Variants in SEMA3C observed in about 807,000 individuals in gnomAD.
The protein encoded by SEMA3C is semaphorin 3C, also known as semaphorin-3C.
SEMA3C carries 47 observed loss-of-function variants against 89.4 expected under a neutral mutation model. The observed-to-expected ratio is 0.53, with a 90% CI of 0.42 to 0.67. SEMA3C has a LOEUF of 0.67. Among genes scored for constraint, SEMA3C ranks in the 30% least tolerant of loss-of-function variants. The pLI is 0.00. For synonymous variants in SEMA3C, 310 were observed against 320.2 expected (o/e 0.97, Z 0.34); for missense variants, 839 against 929.1 (o/e 0.90, Z 1.26).
At chr7:80,834,326 C>T (rs571143962) in intron 2 of SEMA3C, among the ~76,000 whole-genome samples, 2 of 152,156 alleles carry the variant, frequency 1.3e-5, no homozygotes, top group Non-Finnish European at 2.9e-5. Context: ...AATATGCTTA[C>T]CTAAAATTCA....
chr7:80,816,483 C>T (rs1789610540), intron 5 of SEMA3C, among the ~76,000 whole-genome samples: 1 of 152,062 alleles, frequency 6.6e-6, no homozygotes, highest in Admixed American at 6.6e-5. Context: ...TTCTGCATCA[C>T]GTGGTCATTT....
At chr7:80,765,761 A>G (rs556597509) in intron 12 of SEMA3C, among the ~76,000 whole-genome samples, 27 of 152,090 alleles carry the variant, frequency 1.8e-4, no homozygotes, top group Non-Finnish European at 3.5e-4. Flanking sequence ...TATTTTTAGT[A>G]GAGACGGGGG....
intron 12 of SEMA3C, among the ~76,000 whole-genome samples, chr7:80,786,605 A>G (rs1788809166): frequency 6.6e-6 from 1 of 152,150 alleles, no homozygotes; most frequent in Admixed American, 6.5e-5. Flanking sequence ...AGCTAAGGCT[A>G]AAAGCAAATC....
intron 4 of SEMA3C, among the ~76,000 whole-genome samples, chr7:80,820,049 T>C (rs1189817377): frequency 6.8e-6 from 1 of 147,278 alleles, no homozygotes; most frequent in African/African-American, 2.5e-5. Context: ...GTACCATGTA[T>C]GCTCCTTTTT....
chr7:80,874,908 C>G (rs1302018609), intron 2 of SEMA3C, among the ~76,000 whole-genome samples: 1 of 151,922 alleles, frequency 6.6e-6, no homozygotes, highest in Non-Finnish European at 1.5e-5. Context: ...AGATGAAACC[C>G]CAACTCTAGT....
At chr7:80,882,977 G>C (rs1791383394) in intron 2 of SEMA3C, among the ~76,000 whole-genome samples, 1 of 151,692 alleles carries the variant, frequency 6.6e-6, no homozygotes, top group Admixed American at 6.6e-5. Flanking sequence ...ACAAACTAAA[G>C]GTAAATACAC....
Position 80,742,805 on chromosome 7 carries a change from A to G in SEMA3C, c.*2089T>C, listed in dbSNP as rs1435281397. The G allele has an allele frequency of 6.6e-6, 1 of 152,012 alleles. No individual in the cohort carries two copies. The highest frequency in any genetic ancestry group is 1.5e-5 in the Non-Finnish European group (1 of 67,864). The allele number at this position is 152,012 out of a possible 1,614,324, so 9.4% of individuals were successfully genotyped here. On this transcript the variant is annotated 3_prime_UTR_variant, in exon 18 of 18. Transcript: ENST00000265361. ...AAAATAAAACCAATCAACCACCAGTAGTATACATTAACAGCATTTTTGAAA... is the reference window on the plus strand; with the variant it reads ...AAAATAAAACCAATCAACCACCAGTGGTATACATTAACAGCATTTTTGAAA...
intron 2 of SEMA3C, among the ~76,000 whole-genome samples, chr7:80,907,358 A>G (rs1349052482): frequency 6.6e-6 from 1 of 151,964 alleles, no homozygotes; most frequent in East Asian, 1.9e-4. Context: ...TAACATCTTA[A>G]TTGGTTTCTT....
intron 4 of SEMA3C, among the ~76,000 whole-genome samples, chr7:80,819,711 C>T (rs1489513366): frequency 6.6e-6 from 1 of 152,172 alleles, no homozygotes; most frequent in East Asian, 1.9e-4. Context: ...CATTTATTCA[C>T]CCAATGAAAC....
At chr7:80,885,139 T>C (rs962820459) in intron 2 of SEMA3C, among the ~76,000 whole-genome samples, 1 of 152,234 alleles carries the variant, frequency 6.6e-6, no homozygotes, top group African/African-American at 2.4e-5. Flanking sequence ...ACTGGTTTAA[T>C]AGTTTTGCAA....
intron 2 of SEMA3C, among the ~76,000 whole-genome samples, chr7:80,861,632 T>C (rs1014360316): frequency 2.6e-5 from 4 of 152,224 alleles, no homozygotes; most frequent in African/African-American, 4.8e-5. Flanking sequence ...TCAAAGGTTA[T>C]AGAATGCAAC....
intron 2 of SEMA3C, among the ~76,000 whole-genome samples, chr7:80,867,479 A>C (rs1017590289): frequency 6.6e-6 from 1 of 152,102 alleles, no homozygotes; most frequent in African/African-American, 2.4e-5. Context: ...GGAAATCCCT[A>C]ATAAGTAGTG....
At chr7:80,784,373 A>AC (rs1788755852) in intron 12 of SEMA3C, among the ~76,000 whole-genome samples, 1 of 148,700 alleles carries the variant, frequency 6.7e-6, no homozygotes, top group Non-Finnish European at 1.5e-5. Flanking sequence ...TCAACCTGTG[A>AC]TTTTTTTTTT....
chr7:80,823,657 A>C (rs1789805582), intron 4 of SEMA3C, among the ~76,000 whole-genome samples: 1 of 152,142 alleles, frequency 6.6e-6, no homozygotes, highest in Admixed American at 6.5e-5. Flanking sequence ...GTATGGTCAC[A>C]GAAATAGGGA....
intron 12 of SEMA3C, among the ~76,000 whole-genome samples, chr7:80,767,900 TGAAA>T (rs922009858): frequency 2.6e-5 from 4 of 152,152 alleles, no homozygotes; most frequent in Non-Finnish European, 5.9e-5. Context: ...TGAATCCAAC[TGAAA>T]GAGTCAAAGT....
rs1232686306 is a variant in SEMA3C at position 80,818,288 on chromosome 7, GT to G, written c.447+10del. On this transcript the variant is annotated intron_variant, in intron 5 of 17. Coordinates refer to ENST00000265361, the MANE Select transcript of SEMA3C (RefSeq NM_006379.5). Reference sequence around the variant, plus strand: ...ATATCAAAACTAAGAATGTTAAATAGTTATACTTACCTCTGATCTCCTCCCT... The same window carrying G: ...ATATCAAAACTAAGAATGTTAAATAGTATACTTACCTCTGATCTCCTCCCT... The G allele has an allele frequency of 2.5e-6, 4 of 1,588,202 alleles. No homozygotes were observed. The Admixed American group carries it at 6.7e-5, about 27-fold the overall frequency.
intron 2 of SEMA3C, among the ~76,000 whole-genome samples, chr7:80,874,027 G>A (rs1231751176): frequency 6.6e-6 from 1 of 152,062 alleles, no homozygotes; most frequent in Admixed American, 6.5e-5. Flanking sequence ...TTGGAGTGGA[G>A]ACAAAGGTGT....
intron 1 of SEMA3C, 114 bp from the exon 2 acceptor site, chr7:80,916,933 AGT>A: frequency 1.3e-6 from 1 of 781,176 alleles, no homozygotes; most frequent in South Asian, 1.9e-5. Flanking sequence ...GAACTTTTAC[AGT>A]AATGCAAACA....
chr7:80,755,613 C>T (rs1788048192), intron 15 of SEMA3C, among the ~76,000 whole-genome samples: 1 of 151,670 alleles, frequency 6.6e-6, no homozygotes, highest in South Asian at 2.1e-4. Flanking sequence ...TCCTTCAGTA[C>T]TATATCTGCT....
Sources: gnomAD v4.1 joint callset for allele counts (sites outside exome capture counted in the v4.1 genomes callset) on GRCh38, gnomAD v4.1.1 for gene constraint, MANE v1.5 for transcripts, NCBI Gene and HGNC (gene_info 2026-07-23, HGNC 2026-07-21) for gene names.